QTRT2: variants seen among roughly 807,000 people sequenced by gnomAD.
QTRT2 encodes the protein queuine tRNA-ribosyltransferase accessory subunit 2.
A neutral mutation model predicts 44.8 loss-of-function variants in QTRT2; 32 were observed. The observed-to-expected ratio is 0.71, with a 90% CI of 0.54 to 0.96. QTRT2 has a LOEUF of 0.96. Among genes scored for constraint, QTRT2 ranks in the 40% least tolerant of loss-of-function variants. QTRT2 has a pLI of 0.00. For missense variants in QTRT2, 461 were observed against 503.1 expected, an observed-to-expected ratio of 0.92 and a Z score of 0.80; for synonymous variants, 182 against 187.4, an observed-to-expected ratio of 0.97 and a Z score of 0.24.
intron 6 of QTRT2, among the ~76,000 whole-genome samples, chr3:114,073,000 G>A (rs1314037106): frequency 2.0e-5 from 3 of 152,150 alleles, no homozygotes; most frequent in South Asian, 4.1e-4. Flanking sequence ...TATGGCAAGC[G>A]CATTGAGTTT....
In QTRT2 at chr3:114,080,023, C is replaced by G. The variant is rs1473492905; in HGVS notation, c.864C>G (p.Phe288Leu). 7 of 1,611,604 alleles carry G rather than the reference C, an allele frequency of 4.3e-6. No individual in the cohort carries two copies. In the East Asian group the frequency reaches 1.6e-4, roughly 36 times the overall value. The change falls in exon 8 of 10, where the codon TTC (phenylalanine) becomes TTG (leucine). Residue 288 changes from phenylalanine (F) to leucine (L), a missense_variant. Physicochemically the swap from Phe to Leu is conservative, Grantham distance 22. Coordinates refer to ENST00000281273, the MANE Select transcript of QTRT2 (RefSeq NM_024638.4). Reference sequence around the variant, plus strand: ...CAGAGCGGGGATGTGCCCTGACTTTCAGTTTTGATTACCAGCCGAATCCTG... The same window carrying G: ...CAGAGCGGGGATGTGCCCTGACTTTGAGTTTTGATTACCAGCCGAATCCTG... ...QVTERGCALT[F>L]SFDYQPNPEE... is the part of the protein sequence containing the mutation.
intron 6 of QTRT2, among the ~76,000 whole-genome samples, chr3:114,072,641 A>T (rs2077038514): frequency 6.6e-6 from 1 of 152,196 alleles, no homozygotes; most frequent in Non-Finnish European, 1.5e-5. Context: ...TCCCTGTCTT[A>T]TTCACTGGTT....
chr3:114,075,307 C>T (rs6782373), intron 6 of QTRT2, among the ~76,000 whole-genome samples: 39,772 of 151,932 alleles, frequency 0.26, 5,607 homozygotes, highest in African/African-American at 0.36. Context: ...GTTCTTCATA[C>T]GTGTATAGGG....
intron 2 of QTRT2, among the ~76,000 whole-genome samples, chr3:114,060,567 TTAGA>T (rs1474057697): frequency 2.0e-5 from 3 of 151,944 alleles, no homozygotes; most frequent in Non-Finnish European, 2.9e-5. Context: ...GATAGATAGA[TTAGA>T]TAGATCCAAA....
At chr3:114,078,388 C>T (rs2077120895) in intron 7 of QTRT2, 2 of 150,746 alleles carry the variant, frequency 1.3e-5, no homozygotes, top group Admixed American at 1.3e-4. Flanking sequence ...AAACTGTAGT[C>T]AGGAAAACCA....
At chr3:114,074,959 T>C (rs2077069850) in intron 6 of QTRT2, among the ~76,000 whole-genome samples, 1 of 152,258 alleles carries the variant, frequency 6.6e-6, no homozygotes, top group Non-Finnish European at 1.5e-5. Flanking sequence ...CTTTACTCTA[T>C]GGATAAACAT....
intron 2 of QTRT2, among the ~76,000 whole-genome samples, chr3:114,064,678 G>A (rs2076929574): frequency 6.6e-6 from 1 of 152,072 alleles, no homozygotes; most frequent in African/African-American, 2.4e-5. Context: ...AGAACAAATT[G>A]GGAAATAATC....
chr3:114,063,577 A>G (rs2076915342), intron 2 of QTRT2, among the ~76,000 whole-genome samples: 1 of 151,964 alleles, frequency 6.6e-6, no homozygotes, highest in Non-Finnish European at 1.5e-5. Flanking sequence ...GTATGTTTCT[A>G]TCTTAGTGAT....
At chr3:114,061,321 C>CT (rs2107784503) in intron 2 of QTRT2, among the ~76,000 whole-genome samples, 1 of 152,230 alleles carries the variant, frequency 6.6e-6, no homozygotes, top group East Asian at 1.9e-4. Flanking sequence ...TGTTTAGTCT[C>CT]TGAGGTTGAT....
intron 6 of QTRT2, among the ~76,000 whole-genome samples, chr3:114,073,433 G>A (rs1258946149): frequency 6.6e-6 from 1 of 152,132 alleles, no homozygotes; most frequent in Non-Finnish European, 1.5e-5. Flanking sequence ...AGGCTGGAGT[G>A]CAGCGGTGCG....
At chr3:114,072,381 G>T (rs2077035772) in intron 6 of QTRT2, among the ~76,000 whole-genome samples, 1 of 152,160 alleles carries the variant, frequency 6.6e-6, no homozygotes, top group Non-Finnish European at 1.5e-5. Flanking sequence ...TTGAACTCCT[G>T]ATCTCAGGTG....
intron 4 of QTRT2, among the ~76,000 whole-genome samples, chr3:114,067,742 A>G (rs1437136207): frequency 6.6e-6 from 1 of 152,242 alleles, no homozygotes; most frequent in African/African-American, 2.4e-5. Context: ...TTTAAGATAC[A>G]TCTTTCCTTT....
intron 6 of QTRT2, among the ~76,000 whole-genome samples, chr3:114,073,946 T>G (rs569517859): frequency 1.2e-4 from 19 of 152,364 alleles, no homozygotes; most frequent in African/African-American, 4.6e-4. Flanking sequence ...CTCCTCTTAT[T>G]CTGAATGCCC....
chr3:114,064,899 G>A (rs1244701546), intron 2 of QTRT2, among the ~76,000 whole-genome samples: 2 of 152,132 alleles, frequency 1.3e-5, no homozygotes, highest in Non-Finnish European at 2.9e-5. Context: ...CATTTTCAAG[G>A]CTGAGAGAGC....
At chr3:114,063,057 A>G (rs937912376) in intron 2 of QTRT2, among the ~76,000 whole-genome samples, 8 of 152,340 alleles carry the variant, frequency 5.3e-5, no homozygotes, top group South Asian at 2.1e-4. Context: ...ATAGTAGGAA[A>G]TGCGTAAGTT....
At chr3:114,082,656 T>C in intron 8 of QTRT2, 21 bp from the exon 9 acceptor site, 2 of 976,882 alleles carry the variant, frequency 2.0e-6, no homozygotes, top group Non-Finnish European at 3.1e-6. Flanking sequence ...ATTCAAGCCT[T>C]TTTATTGGTT....
intron 7 of QTRT2, chr3:114,079,680 C>T (rs2077139853): frequency 2.7e-6 from 1 of 377,216 alleles, no homozygotes; most frequent in African/African-American, 2.1e-5. Context: ...TCCAAAGTGA[C>T]ACAGCAGATA....
Position 114,080,005 on chromosome 3 carries a change from G to A in QTRT2, c.846G>A (p.Arg282=), listed in dbSNP as rs1435891841. 6.2e-7 allele frequency: 1 copy of A among 1,613,672 alleles called. No individual in the cohort carries two copies. The highest frequency in any genetic ancestry group is 8.5e-7 in the Non-Finnish European group (1 of 1,179,760). Residue 282 remains arginine, a synonymous_variant, in exon 8 of 10, where the codon CGG becomes CGA. Transcript: ENST00000281273. ...TTTTCCCTTATCAAGTAACAGAGCG[G>A]GGATGTGCCCTGACTTTCAGTTTTG... The part of the protein sequence containing the change: ...ESFFPYQVTE[R]GCALTFSFDY...
At chr3:114,080,685 G>A (rs867988146) in intron 8 of QTRT2, among the ~76,000 whole-genome samples, 13 of 152,318 alleles carry the variant, frequency 8.5e-5, no homozygotes, top group African/African-American at 2.9e-4. Flanking sequence ...AGGTTTTCAG[G>A]AGAGTGTCGC....
Sources: gnomAD v4.1 joint callset for allele counts (sites outside exome capture counted in the v4.1 genomes callset) on GRCh38, gnomAD v4.1.1 for gene constraint, MANE v1.5 for transcripts, NCBI Gene and HGNC (gene_info 2026-07-23, HGNC 2026-07-21) for gene names.